The following SGCZ variants were observed in gnomAD, a reference collection of about 807,000 sequenced individuals.
SGCZ encodes zeta-sarcoglycan.
A neutral mutation model predicts 41.3 loss-of-function variants in SGCZ; 40 were observed. That is an observed-to-expected ratio of 0.97 (90% CI 0.75 to 1.26). SGCZ has a LOEUF of 1.26. SGCZ is among the 50% of genes most tolerant of loss of function. SGCZ has a pLI of 0.00. For synonymous variants in SGCZ, 206 were observed against 137.5 expected, an observed-to-expected ratio of 1.50 and a Z score of -3.49; for missense variants, 552 against 369.8, an observed-to-expected ratio of 1.49 and a Z score of -4.04.
At chr8:15,130,948 T>C (rs1563141832) in intron 1 of SGCZ, among the ~76,000 whole-genome samples, 1 of 152,166 alleles carries the variant, frequency 6.6e-6, no homozygotes, top group Non-Finnish European at 1.5e-5. Context: ...GTGTTGACCA[T>C]TGTGCTAGAT....
intron 1 of SGCZ, among the ~76,000 whole-genome samples, chr8:14,900,364 C>T (rs768262207): frequency 2.6e-5 from 4 of 152,116 alleles, no homozygotes; most frequent in South Asian, 2.1e-4. Context: ...TTTCTTCATG[C>T]ATCCATTGAG....
intron 1 of SGCZ, among the ~76,000 whole-genome samples, chr8:14,783,461 A>C (rs1049293664): frequency 2.0e-5 from 3 of 151,304 alleles, no homozygotes; most frequent in Non-Finnish European, 4.4e-5. Flanking sequence ...AAAGAAAAGG[A>C]AAAAAAAAGT....
At chr8:15,073,281 A>G (rs1168351672) in intron 1 of SGCZ, among the ~76,000 whole-genome samples, 1 of 152,192 alleles carries the variant, frequency 6.6e-6, no homozygotes, top group Non-Finnish European at 1.5e-5. Flanking sequence ...AACAAACTAA[A>G]AATATTGCTT....
intron 2 of SGCZ, among the ~76,000 whole-genome samples, chr8:14,425,003 T>A (rs1444702009): frequency 2.0e-5 from 3 of 152,230 alleles, no homozygotes; most frequent in Non-Finnish European, 4.4e-5. Context: ...GAAATTTTCA[T>A]GACTTCGTTA....
At chr8:14,314,782 TA>T (rs1001321605) in intron 3 of SGCZ, among the ~76,000 whole-genome samples, 5 of 152,136 alleles carry the variant, frequency 3.3e-5, no homozygotes, top group African/African-American at 1.2e-4. Flanking sequence ...TGGACCCAGT[TA>T]AAGATGTCTG....
intron 1 of SGCZ, among the ~76,000 whole-genome samples, chr8:15,025,061 T>C (rs990613773): frequency 3.9e-5 from 6 of 152,042 alleles, no homozygotes; most frequent in Admixed American, 3.9e-4. Context: ...TAAAATACTC[T>C]CTAGGTTTAA....
intron 1 of SGCZ, among the ~76,000 whole-genome samples, chr8:14,920,822 G>A (rs1799568510): frequency 6.6e-6 from 1 of 152,194 alleles, no homozygotes; most frequent in East Asian, 1.9e-4. Context: ...AGTTTATTCT[G>A]GGAGGTTTCA....
intron 2 of SGCZ, among the ~76,000 whole-genome samples, chr8:14,516,128 T>C (rs1335018306): frequency 6.6e-6 from 1 of 151,866 alleles, no homozygotes; most frequent in Non-Finnish European, 1.5e-5. Flanking sequence ...TTTCTATGTC[T>C]GTGGTTTTTT....
At chr8:15,036,212 AC>A (rs1361056298) in intron 1 of SGCZ, among the ~76,000 whole-genome samples, 1 of 152,152 alleles carries the variant, frequency 6.6e-6, no homozygotes, top group African/African-American at 2.4e-5. Context: ...GGATACATAA[AC>A]AAATTGGATA....
At chr8:14,665,320 T>C (rs911205089) in intron 1 of SGCZ, among the ~76,000 whole-genome samples, 19 of 152,196 alleles carry the variant, frequency 1.2e-4, no homozygotes, top group Non-Finnish European at 2.6e-4. Flanking sequence ...GCTTCATCCA[T>C]GTCCCTACAA....
At chr8:14,772,667 G>C in intron 1 of SGCZ, among the ~76,000 whole-genome samples, 1 of 147,200 alleles carries the variant, frequency 6.8e-6, no homozygotes, top group Admixed American at 7.0e-5. Context: ...CTATGAGTGA[G>C]AACATGCGGT....
At chr8:14,942,669 T>A (rs1800316740) in intron 1 of SGCZ, among the ~76,000 whole-genome samples, 3 of 152,140 alleles carry the variant, frequency 2.0e-5, no homozygotes, top group African/African-American at 2.4e-5. Flanking sequence ...CAAATTTCCA[T>A]CACTGAAAAT....
chr8:15,112,070 T>G (rs1807088657), intron 1 of SGCZ, among the ~76,000 whole-genome samples: 1 of 152,104 alleles, frequency 6.6e-6, no homozygotes, highest in Non-Finnish European at 1.5e-5. Context: ...GTTGCTCTCT[T>G]TTTCTCTCTT....
rs1803379244 is a variant in SGCZ, at chr8:14,539,047, A to T, written c.234+15685T>A. ...ATAAGATCAACATATAAATCAACAG[A>T]CTTTGAGTAAAGCAGATTATCTTCC... is the stretch of plus-strand genomic sequence containing the variant. On this transcript the variant is annotated intron_variant, in intron 2 of 7. Coordinates refer to ENST00000382080, the MANE Select transcript of SGCZ (RefSeq NM_139167.4). Among the ~76,000 whole-genome samples the T allele has an allele frequency of 2.0e-5, 3 of 152,168 alleles. No homozygotes were observed. The South Asian group carries it at 6.2e-4, about 32-fold the overall frequency.
intron 2 of SGCZ, among the ~76,000 whole-genome samples, chr8:14,430,317 T>C (rs1407809085): frequency 6.6e-6 from 1 of 152,134 alleles, no homozygotes; most frequent in Non-Finnish European, 1.5e-5. Flanking sequence ...GCTTCCTGTA[T>C]CCAACAACAT....
intron 1 of SGCZ, among the ~76,000 whole-genome samples, chr8:15,191,692 C>T (rs575721567): frequency 5.9e-5 from 9 of 152,082 alleles, no homozygotes; most frequent in African/African-American, 1.4e-4. Context: ...CTCATACGAG[C>T]TTCAGCTGTA....
intron 1 of SGCZ, among the ~76,000 whole-genome samples, chr8:14,719,874 C>G (rs543784463): frequency 6.6e-6 from 1 of 152,082 alleles, no homozygotes; most frequent in South Asian, 2.1e-4. Context: ...TCCCATTTGT[C>G]AATTTTGGCT....
At chr8:14,497,558 G>A (rs1390000810) in intron 2 of SGCZ, among the ~76,000 whole-genome samples, 2 of 143,502 alleles carry the variant, frequency 1.4e-5, no homozygotes, top group Non-Finnish European at 3.2e-5. Flanking sequence ...TTGTGTGTGC[G>A]TATGTGTGTG....
chr8:15,060,155 C>T (rs1804865818), intron 1 of SGCZ, among the ~76,000 whole-genome samples: 1 of 152,090 alleles, frequency 6.6e-6, no homozygotes, highest in Admixed American at 6.5e-5. Context: ...TTGACCCAGC[C>T]ATCCCATTAC....
Sources: gnomAD v4.1 joint callset for allele counts (sites outside exome capture counted in the v4.1 genomes callset) on GRCh38, gnomAD v4.1.1 for gene constraint, MANE v1.5 for transcripts, NCBI Gene and HGNC (gene_info 2026-07-23, HGNC 2026-07-21) for gene names.